The following AK4 variants were observed in gnomAD, a reference collection of about 807,000 sequenced individuals.
AK4 encodes the protein adenylate kinase 4, mitochondrial.
AK4 carries 13 observed loss-of-function variants against 24.6 expected under a neutral mutation model. The observed-to-expected ratio is 0.53, with a 90% CI of 0.34 to 0.84. The LOEUF is 0.84. AK4 is among the 40% of genes least tolerant of loss of function. The pLI is 0.01. For missense variants in AK4, 192 were observed against 288.2 expected (o/e 0.67, Z 2.42); for synonymous variants, 88 against 107.0 (o/e 0.82, Z 1.10).
chr1:65,178,352 G>A (rs548664118), intron 1 of AK4, among the ~76,000 whole-genome samples: 31 of 152,132 alleles, frequency 2.0e-4, no homozygotes, highest in Non-Finnish European at 2.1e-4. Context: ...GAGGCCTGTA[G>A]TCCAACCCTG....
chr1:65,153,592 T>G (rs1375330957), intron 1 of AK4, among the ~76,000 whole-genome samples: 1 of 152,094 alleles, frequency 6.6e-6, no homozygotes, highest in Non-Finnish European at 1.5e-5. Context: ...TTAGAAGTAG[T>G]TTTTTCTGAT....
intron 2 of AK4, among the ~76,000 whole-genome samples, chr1:65,197,141 G>A (rs1328110426): frequency 6.6e-6 from 1 of 152,190 alleles, no homozygotes; most frequent in South Asian, 2.1e-4. Context: ...TGAGACTTGG[G>A]TGGGGACACA....
intron 1 of AK4, among the ~76,000 whole-genome samples, chr1:65,185,620 C>A (rs1651070056): frequency 6.8e-6 from 1 of 146,502 alleles, no homozygotes; most frequent in Non-Finnish European, 1.5e-5. Flanking sequence ...CCGAATATGA[C>A]CATCTTTTTT....
At chr1:65,161,958 T>C (rs1157635050) in intron 1 of AK4, among the ~76,000 whole-genome samples, 1 of 152,056 alleles carries the variant, frequency 6.6e-6, no homozygotes, top group Non-Finnish European at 1.5e-5. Flanking sequence ...TGTGAAGATT[T>C]GGTAGCAGGC....
chr1:65,172,855 ATTTTTTTTTTTT>A (rs11408059), intron 1 of AK4, among the ~76,000 whole-genome samples: 2 of 110,912 alleles, frequency 1.8e-5, no homozygotes, highest in East Asian at 2.8e-4. Flanking sequence ...CCAGCAAGAG[ATTTTTTTTTTTT>A]TTTTTTTTTT....
intron 2 of AK4, among the ~76,000 whole-genome samples, chr1:65,200,058 A>G (rs1012352280): frequency 6.6e-6 from 1 of 152,186 alleles, no homozygotes; most frequent in Admixed American, 6.5e-5. Flanking sequence ...GAAGATGGGC[A>G]ATAAGAAGAA....
At chr1:65,189,303 T>C (rs1651212644) in intron 1 of AK4, among the ~76,000 whole-genome samples, 1 of 150,154 alleles carries the variant, frequency 6.7e-6, no homozygotes, top group African/African-American at 2.5e-5. Flanking sequence ...TTTTTTTTTT[T>C]GAGATGGAGT....
chr1:65,186,012 G>A (rs1450551504), intron 1 of AK4, among the ~76,000 whole-genome samples: 2 of 152,030 alleles, frequency 1.3e-5, no homozygotes, highest in Non-Finnish European at 2.9e-5. Flanking sequence ...TTGATTTTGG[G>A]ATAATGGTTC....
At chr1:65,153,614 C>T (rs1312087204) in intron 1 of AK4, among the ~76,000 whole-genome samples, 2 of 152,010 alleles carry the variant, frequency 1.3e-5, no homozygotes, top group Non-Finnish European at 2.9e-5. Flanking sequence ...AAAGTCATGC[C>T]TTGTACAAAA....
intron 1 of AK4, among the ~76,000 whole-genome samples, chr1:65,152,024 A>G (rs1054038200): frequency 6.6e-6 from 1 of 150,850 alleles, no homozygotes; most frequent in Non-Finnish European, 1.5e-5. Flanking sequence ...GGGTATGCAC[A>G]TGTATGTATG....
intron 2 of AK4, among the ~76,000 whole-genome samples, chr1:65,207,568 T>C (rs892491152): frequency 9.3e-5 from 14 of 151,244 alleles, no homozygotes; most frequent in Non-Finnish European, 2.9e-5. Flanking sequence ...TTTTTTTTTT[T>C]CCTTCTACTT....
chr1:65,231,708 A>G lies in AK4; in HGVS notation c.*5531A>G, dbSNP rs1652652634. On this transcript the variant is annotated 3_prime_UTR_variant, in exon 5 of 5. Transcript: ENST00000327299. Reference sequence around the variant, plus strand: ...CAGTCTTTATGTAAGCTCCAAGGATATTAGGGCTTAAAGGGCTTTTCTAGT... The same window carrying G: ...CAGTCTTTATGTAAGCTCCAAGGATGTTAGGGCTTAAAGGGCTTTTCTAGT... The G allele has an allele frequency of 6.6e-6, 1 of 152,240 alleles. No individual in the cohort carries two copies. Among genetic ancestry groups the G allele is most frequent in the East Asian group, 1.9e-4 (1 of 5,202 alleles). 9.4% of individuals were successfully genotyped at this position (152,240 alleles called of 1,614,324 possible). A position where few individuals can be genotyped will look rare whatever the true frequency, so the allele number is the denominator to read the frequency against.
intron 1 of AK4, among the ~76,000 whole-genome samples, chr1:65,175,641 G>C (rs1539551): frequency 0.33 from 50,192 of 151,970 alleles, 9,197 homozygotes; most frequent in East Asian, 0.52. Context: ...GCTGTTCTAT[G>C]GTTTTTACAG....
intron 2 of AK4, among the ~76,000 whole-genome samples, chr1:65,215,222 A>G (rs1224655575): frequency 6.7e-6 from 1 of 149,070 alleles, no homozygotes; most frequent in Non-Finnish European, 1.5e-5. Flanking sequence ...ACCAGGCTGG[A>G]GTGCAGTGGC....
intron 2 of AK4, among the ~76,000 whole-genome samples, chr1:65,192,553 T>A (rs1460352552): frequency 6.6e-6 from 1 of 152,164 alleles, no homozygotes. Context: ...CCTTCTCACA[T>A]GCAAAATATA....
chr1:65,181,045 A>G (rs1650887143), intron 1 of AK4, among the ~76,000 whole-genome samples: 1 of 151,194 alleles, frequency 6.6e-6, no homozygotes, highest in African/African-American at 2.4e-5. Flanking sequence ...TTAGCCAGGC[A>G]TCTTGGGAAT....
At position 65,175,273 on chromosome 1, in the gene AK4, G is replaced by A. The variant is rs544176577; in HGVS notation, c.146-15437G>A. Among the ~76,000 whole-genome samples, 11 of 152,270 alleles carry A rather than the reference G, an allele frequency of 7.2e-5. No homozygotes were observed. The South Asian group carries it at 8.3e-4, about 11-fold the overall frequency. On this transcript the variant is annotated intron_variant, in intron 1 of 4. Coordinates refer to ENST00000327299, the MANE Select transcript of AK4 (RefSeq NM_013410.4). ...GTCCGCATCAGCTCTCCCTGTTCCCGTTTCCCTTCCGGAGGTTGCTGAGCA... is the reference window on the plus strand; with the variant it reads ...GTCCGCATCAGCTCTCCCTGTTCCCATTTCCCTTCCGGAGGTTGCTGAGCA...
intron 1 of AK4, among the ~76,000 whole-genome samples, chr1:65,173,225 C>A (rs552615182): frequency 6.6e-6 from 1 of 152,164 alleles, no homozygotes; most frequent in African/African-American, 2.4e-5. Context: ...TGGTGTGTGG[C>A]ATGGTAGTGG....
chr1:65,163,969 G>A (rs1176695692), intron 1 of AK4, among the ~76,000 whole-genome samples: 2 of 152,092 alleles, frequency 1.3e-5, no homozygotes, highest in Non-Finnish European at 2.9e-5. Flanking sequence ...TCCAGTGAGT[G>A]CAGGATCTGC....
Sources: allele counts gnomAD v4.1 joint callset (sites outside exome capture counted in the v4.1 genomes callset), GRCh38; gene constraint gnomAD v4.1.1; transcripts MANE v1.5; gene names NCBI Gene and HGNC (gene_info 2026-07-23, HGNC 2026-07-21).